CCDC73: variants seen among roughly 807,000 people sequenced by gnomAD.
The protein encoded by CCDC73 is coiled-coil domain-containing protein 73.
Under a neutral mutation model 116.5 loss-of-function variants are expected in CCDC73, and 95 were observed. The observed-to-expected ratio is 0.82, with a 90% CI of 0.69 to 0.97. The LOEUF (loss-of-function observed/expected upper bound fraction) is 0.97, where lower values mean the gene tolerates loss of function less well. Ranked by LOEUF, CCDC73 falls within the 50% of genes least tolerant of loss-of-function variation. The pLI, the probability that CCDC73 is intolerant of heterozygous loss-of-function variation, is 0.00. For missense variants in CCDC73, 1,066 were observed against 1,206.8 expected, an observed-to-expected ratio of 0.88 and a Z score of 1.73; for synonymous variants, 398 against 401.3, an observed-to-expected ratio of 0.99 and a Z score of 0.10.
At chr11:32,620,077 T>G (rs1399817685) in intron 14 of CCDC73, among the ~76,000 whole-genome samples, 3 of 152,152 alleles carry the variant, frequency 2.0e-5, no homozygotes, top group African/African-American at 7.2e-5. Context: ...TCCCACAGTT[T>G]CAATGGGTCA....
chr11:32,657,429 G>C (rs1855883935), intron 9 of CCDC73, among the ~76,000 whole-genome samples: 1 of 152,054 alleles, frequency 6.6e-6, no homozygotes, highest in Non-Finnish European at 1.5e-5. Context: ...ATATATCGAA[G>C]GAATGAACCA....
chr11:32,694,052 A>G (rs1856286805), intron 6 of CCDC73, among the ~76,000 whole-genome samples: 1 of 152,250 alleles, frequency 6.6e-6, no homozygotes, highest in South Asian at 2.1e-4. Flanking sequence ...ATAGTGTTAG[A>G]AGTTCTGGCC....
In CCDC73 at chr11:32,702,903, G is replaced by C; in HGVS notation, c.249C>G (p.His83Gln). The change falls in exon 4 of 18, where the codon CAC (histidine) becomes CAG (glutamine). Residue 83 changes from histidine (H) to glutamine (Q), a missense_variant. Transcript: ENST00000335185. Reference sequence around the variant, plus strand: ...TTTTAAAAACTGCCATTGCTTCCTTGTGTTGCTCTGCCAATGTTTCCTTTT... The same window carrying C: ...TTTTAAAAACTGCCATTGCTTCCTTCTGTTGCTCTGCCAATGTTTCCTTTT... ...QNQKETLAEQ[H>Q]KEAMAVFKKQ... is the part of the protein sequence containing the mutation. The C allele has an allele frequency of 6.2e-7, 1 of 1,612,972 alleles. No individual in the cohort carries two copies. The highest frequency in any genetic ancestry group is 8.5e-7 in the Non-Finnish European group (1 of 1,179,082).
chr11:32,749,921 A>G (rs541340569), intron 2 of CCDC73, among the ~76,000 whole-genome samples: 1 of 147,830 alleles, frequency 6.8e-6, no homozygotes, highest in African/African-American at 2.5e-5. Flanking sequence ...CCCAGGCTGG[A>G]GTGCAATGGC....
chr11:32,760,890 G>A (rs1253816776), intron 1 of CCDC73, among the ~76,000 whole-genome samples: 2 of 152,146 alleles, frequency 1.3e-5, no homozygotes, highest in African/African-American at 4.8e-5. Flanking sequence ...TATAACAAGA[G>A]TACAATATTA....
Position 32,614,576 on chromosome 11 carries a change from T to C in CCDC73, c.1742A>G (p.Asn581Ser). 1 of 1,612,070 alleles carries C rather than the reference T, an allele frequency of 6.2e-7. No homozygotes were observed. Reference sequence around the variant, plus strand: ...GTGATATGTATTGTGTGCTGTCTCATTTAAAATACTGTTAAATGATGTTTT... The same window carrying C: ...GTGATATGTATTGTGTGCTGTCTCACTTAAAATACTGTTAAATGATGTTTT... ...NNKTSFNSIL[N>S]ETAHNTYHNN... The change falls in exon 16 of 18, where the codon AAT (asparagine) becomes AGT (serine). Residue 581 changes from asparagine (N) to serine (S), a missense_variant. By Grantham distance (46) the Asn-to-Ser change is conservative. Coordinates refer to ENST00000335185, the MANE Select transcript of CCDC73 (RefSeq NM_001008391.4).
rs183058109 is a variant in CCDC73 at position 32,656,239 on chromosome 11, G to A, written c.646-1267C>T. Among the ~76,000 whole-genome samples, 1,087 of 152,012 alleles carry A rather than the reference G, an allele frequency of 7.2e-3. 16 individuals are homozygous for A. Among genetic ancestry groups the A allele is most frequent in the African/African-American group, 0.025 (1,048 of 41,464 alleles). Reference sequence around the variant, plus strand: ...ACTACAGGCGCCCACCACCACGCCCGGCTAATTTTTTTTGTATTTTTAGTA... The same window carrying A: ...ACTACAGGCGCCCACCACCACGCCCAGCTAATTTTTTTTGTATTTTTAGTA... On this transcript the variant is annotated intron_variant, in intron 9 of 17. Transcript: ENST00000335185.
At chr11:32,624,430 TA>T (rs1169841609) in intron 14 of CCDC73, among the ~76,000 whole-genome samples, 1 of 152,180 alleles carries the variant, frequency 6.6e-6, no homozygotes, top group African/African-American at 2.4e-5. Flanking sequence ...CCTAAAGAAA[TA>T]GTCACAAACA....
chr11:32,654,168 T>A, intron 10 of CCDC73, 131 bp from the exon 11 acceptor site: 1 of 804,188 alleles, frequency 1.2e-6, no homozygotes, highest in African/African-American at 1.8e-5. Context: ...TGTTTTTTTG[T>A]TTGTTTATTT....
At chr11:32,728,191 C>A (rs555579874) in intron 2 of CCDC73, among the ~76,000 whole-genome samples, 2 of 151,982 alleles carry the variant, frequency 1.3e-5, no homozygotes, top group Non-Finnish European at 2.9e-5. Flanking sequence ...GTCAAGAATG[C>A]GGTGAAGCAT....
intron 9 of CCDC73, among the ~76,000 whole-genome samples, chr11:32,670,538 AT>A (rs961455514): frequency 4.2e-5 from 6 of 143,330 alleles, no homozygotes; most frequent in African/African-American, 7.8e-5. Flanking sequence ...AAAAAAAAAA[AT>A]TATTGATAGC....
chr11:32,741,964 C>A (rs1027556808), intron 2 of CCDC73, among the ~76,000 whole-genome samples: 4 of 152,100 alleles, frequency 2.6e-5, no homozygotes, highest in Non-Finnish European at 5.9e-5. Flanking sequence ...CAGCTTCATC[C>A]ATGTCCCTAC....
intron 9 of CCDC73, among the ~76,000 whole-genome samples, chr11:32,668,174 C>T (rs989730785): frequency 1.3e-5 from 2 of 152,196 alleles, no homozygotes; most frequent in African/African-American, 4.8e-5. Context: ...GTAATTGCTA[C>T]AGCTGCACTG....
chr11:32,800,630 GT>G, the CCDC73 span, among the ~76,000 whole-genome samples: 1 of 152,080 alleles, frequency 6.6e-6, no homozygotes, highest in Admixed American at 6.6e-5. Context: ...CTTTACTTAT[GT>G]TAATGATGGC....
intron 2 of CCDC73, among the ~76,000 whole-genome samples, chr11:32,742,140 G>A (rs536369619): frequency 1.3e-5 from 2 of 152,264 alleles, no homozygotes; most frequent in East Asian, 3.9e-4. Context: ...TGTCTTTACA[G>A]CAGCATGATT....
chr11:32,736,003 A>C (rs1353184808), intron 2 of CCDC73, among the ~76,000 whole-genome samples: 1 of 152,200 alleles, frequency 6.6e-6, no homozygotes, highest in Non-Finnish European at 1.5e-5. Context: ...TTATACAAAA[A>C]TTAATTCAAG....
intron 6 of CCDC73, among the ~76,000 whole-genome samples, chr11:32,692,632 C>T (rs993004497): frequency 2.0e-5 from 3 of 152,196 alleles, no homozygotes; most frequent in Non-Finnish European, 4.4e-5. Context: ...TACCTATCCT[C>T]TCTTTATTCA....
At chr11:32,645,354 C>T (rs570931697) in intron 12 of CCDC73, among the ~76,000 whole-genome samples, 9 of 147,228 alleles carry the variant, frequency 6.1e-5, no homozygotes, top group South Asian at 4.3e-4. Flanking sequence ...TGCAATGGCG[C>T]GATCTCGGCT....
chr11:32,724,993 A>T (rs1850018842), intron 2 of CCDC73, among the ~76,000 whole-genome samples: 1 of 152,158 alleles, frequency 6.6e-6, no homozygotes, highest in South Asian at 2.1e-4. Context: ...TAAACATTCA[A>T]TTTTTTTCAA....
Sources: allele counts gnomAD v4.1 joint callset (sites outside exome capture counted in the v4.1 genomes callset), GRCh38; gene constraint gnomAD v4.1.1; transcripts MANE v1.5; gene names NCBI Gene and HGNC (gene_info 2026-07-23, HGNC 2026-07-21).